The following HSPH1 variants were observed in gnomAD, a reference collection of about 807,000 sequenced individuals.
HSPH1 encodes heat shock protein 105 kDa.
Under a neutral mutation model 100.0 loss-of-function variants are expected in HSPH1, and 40 were observed. The observed-to-expected ratio is 0.40, with a 90% CI of 0.31 to 0.52. The LOEUF (loss-of-function observed/expected upper bound fraction) is 0.52. HSPH1 is among the 20% of genes least tolerant of loss of function. The pLI is 0.54. For synonymous variants in HSPH1, 403 were observed against 344.0 expected (o/e 1.17, Z -1.90); for missense variants, 876 against 1,015.1 (o/e 0.86, Z 1.86).
chr13:31,139,550 C>T (rs552432831), intron 14 of HSPH1, among the ~76,000 whole-genome samples: 2 of 152,048 alleles, frequency 1.3e-5, no homozygotes, highest in Non-Finnish European at 2.9e-5. Context: ...CCATAAGAAA[C>T]TCAGAGAATG....
chr13:31,141,801 T>TACATAC (rs1245068679), intron 12 of HSPH1, among the ~76,000 whole-genome samples: 4 of 91,664 alleles, frequency 4.4e-5, no homozygotes, highest in Admixed American at 2.8e-4. Context: ...TACACATACA[T>TACATAC]ACACACACAC....
At chr13:31,150,358 G>A (rs1185177624) in intron 7 of HSPH1, among the ~76,000 whole-genome samples, 176 bp from the exon 8 acceptor site, 6 of 152,140 alleles carry the variant, frequency 3.9e-5, no homozygotes, top group Non-Finnish European at 5.9e-5. Context: ...CCAAACAGGT[G>A]CAGAAAGATG....
At chr13:31,148,566 G>T (rs535106099) in intron 8 of HSPH1, 86 bp from the exon 9 acceptor site, 2 of 162,238 alleles carry the variant, frequency 1.2e-5, no homozygotes, top group South Asian at 1.3e-4. Context: ...GGATGGACAG[G>T]GTTTTCAAAA....
intron 2 of HSPH1, among the ~76,000 whole-genome samples, chr13:31,157,034 A>G (rs568929941): frequency 5.9e-5 from 9 of 152,360 alleles, no homozygotes; most frequent in South Asian, 2.1e-4. Flanking sequence ...CCAAAACAGT[A>G]TATTATTTAC....
chr13:31,146,012 G>C (rs1956254203), intron 10 of HSPH1, among the ~76,000 whole-genome samples: 2 of 152,158 alleles, frequency 1.3e-5, no homozygotes, highest in Non-Finnish European at 2.9e-5. Context: ...GCATGCGCCT[G>C]TAGTCCCAGC....
At chr13:31,137,579 T>G in intron 17 of HSPH1, 55 bp from the exon 18 acceptor site, 1 of 1,286,980 alleles carries the variant, frequency 7.8e-7, no homozygotes. Flanking sequence ...CAGTTCATTT[T>G]CAACTGCTTC....
At chr13:31,138,341 G>A in intron 17 of HSPH1, 66 bp downstream of exon 17, 1 of 1,470,096 alleles carries the variant, frequency 6.8e-7, no homozygotes, top group South Asian at 1.2e-5. Context: ...TATGTTGAAG[G>A]TTCAAATGAT....
intron 12 of HSPH1, among the ~76,000 whole-genome samples, chr13:31,143,517 G>A (rs1956169810): frequency 6.6e-6 from 1 of 152,108 alleles, no homozygotes; most frequent in African/African-American, 2.4e-5. Flanking sequence ...CTCTTTGAAA[G>A]ACAACGAACA....
chr13:31,145,578 T>G lies in HSPH1; in HGVS notation c.1569A>C (p.Glu523Asp). The G allele has an allele frequency of 6.2e-7, 1 of 1,613,264 alleles. No homozygotes were observed. The highest frequency in any genetic ancestry group is 1.3e-5 in the African/African-American group (1 of 74,992). ...DMECLNQRPP[E>D]NPDTDKNVQQ... Reference sequence around the variant, plus strand: ...ACAAACTTACATCAGTGTCTGGGTTTTCTGGTGGTCTCTGATTCAGACACT... The same window carrying G: ...ACAAACTTACATCAGTGTCTGGGTTGTCTGGTGGTCTCTGATTCAGACACT... The change falls in exon 11 of 18, where the codon GAA becomes GAC. Residue 523 changes from glutamate to aspartate, a missense_variant. Transcript: ENST00000320027.
intron 13 of HSPH1, 67 bp from the exon 14 acceptor site, chr13:31,140,376 GA>G: frequency 6.8e-7 from 1 of 1,462,322 alleles, no homozygotes; most frequent in Non-Finnish European, 9.3e-7. Context: ...TAAATATGTA[GA>G]CTCTGGGGTT....
At chr13:31,142,257 T>C (rs895753065) in intron 12 of HSPH1, among the ~76,000 whole-genome samples, 1 of 152,050 alleles carries the variant, frequency 6.6e-6, no homozygotes, top group Non-Finnish European at 1.5e-5. Flanking sequence ...AGAAACTGGG[T>C]CTAGAAAGTT....
chr13:31,148,102 A>G lies in HSPH1; in HGVS notation c.1245-10T>C. On this transcript the variant is annotated splice_polypyrimidine_tract_variant and intron_variant, in intron 9 of 17. Coordinates refer to ENST00000320027, the MANE Select transcript of HSPH1 (RefSeq NM_006644.4). ...AAAGACTTCATGAACACTAGAGAGAAAAGAAAAAGGCATTCAGCAGATGAA... is the reference window on the plus strand; with the variant it reads ...AAAGACTTCATGAACACTAGAGAGAGAAGAAAAAGGCATTCAGCAGATGAA... The G allele has an allele frequency of 6.2e-7, 1 of 1,601,854 alleles. No homozygotes were observed.
chr13:31,159,460 G>A (rs1358701457), intron 1 of HSPH1, among the ~76,000 whole-genome samples: 1 of 152,204 alleles, frequency 6.6e-6, no homozygotes, highest in African/African-American at 2.4e-5. Context: ...AATGTCGAGG[G>A]AAAGGAGTGA....
At chr13:31,146,756 G>T (rs1439794097) in intron 10 of HSPH1, among the ~76,000 whole-genome samples, 2 of 152,152 alleles carry the variant, frequency 1.3e-5, no homozygotes, top group African/African-American at 4.8e-5. Flanking sequence ...TGAGGATTAA[G>T]TACAGTGAGC....
In HSPH1 at chr13:31,161,643, G is replaced by C; in HGVS notation, c.-61C>G. On this transcript the variant is annotated 5_prime_UTR_variant, in exon 1 of 18. Coordinates refer to ENST00000320027, the MANE Select transcript of HSPH1 (RefSeq NM_006644.4). ...GTCTGCGTCCTCCGGCCCCCTGCCT[G>C]CTTCTCCTGCCGCCGCTTTCTGCCC... The C allele has an allele frequency of 6.3e-7, 1 of 1,596,760 alleles. No homozygotes were observed. Among genetic ancestry groups the C allele is most frequent in the Non-Finnish European group, 8.5e-7 (1 of 1,176,734 alleles).
intron 12 of HSPH1, among the ~76,000 whole-genome samples, chr13:31,141,809 C>G (rs941988688): frequency 3.3e-5 from 5 of 151,474 alleles, no homozygotes; most frequent in Non-Finnish European, 7.4e-5. Context: ...CATACACACA[C>G]ACACACACAC....
Position 31,161,629 on chromosome 13 carries a change from C to G in HSPH1, c.-47G>C, listed in dbSNP as rs372683170. On this transcript the variant is annotated 5_prime_UTR_variant, in exon 1 of 18. Transcript: ENST00000320027. ...CGCCTCGGGTCTCGGTCTGCGTCCTCCGGCCCCCTGCCTGCTTCTCCTGCC... is the reference window on the plus strand; with the variant it reads ...CGCCTCGGGTCTCGGTCTGCGTCCTGCGGCCCCCTGCCTGCTTCTCCTGCC... The G allele has an allele frequency of 5.0e-6, 8 of 1,603,956 alleles. No individual in the cohort carries two copies. Among genetic ancestry groups the G allele is most frequent in the African/African-American group, 1.3e-5 (1 of 74,848 alleles).
At chr13:31,159,376 GTTCCCA>G (rs1956815181) in intron 1 of HSPH1, among the ~76,000 whole-genome samples, 1 of 152,182 alleles carries the variant, frequency 6.6e-6, no homozygotes, top group Non-Finnish European at 1.5e-5. Flanking sequence ...GCACAAAGAG[GTTCCCA>G]TCTGGGAGAT....
intron 12 of HSPH1, among the ~76,000 whole-genome samples, chr13:31,142,808 G>A (rs1256829126): frequency 1.3e-5 from 2 of 152,108 alleles, no homozygotes; most frequent in African/African-American, 2.4e-5. Flanking sequence ...AAGAGTTGAT[G>A]TGTATGCTCA....
Sources: allele counts gnomAD v4.1 joint callset (sites outside exome capture counted in the v4.1 genomes callset), GRCh38; gene constraint gnomAD v4.1.1; transcripts MANE v1.5; gene names NCBI Gene and HGNC (gene_info 2026-07-23, HGNC 2026-07-21).